U2SURP: variants seen among roughly 807,000 people sequenced by gnomAD.
U2SURP encodes U2 snRNP-associated SURP motif-containing protein.
In U2SURP, 9 loss-of-function variants were observed where a neutral mutation model predicts 144.9. The observed-to-expected ratio is 0.06, with a 90% confidence interval of 0.04 to 0.11. U2SURP has a LOEUF of 0.11. Among genes scored for constraint, U2SURP ranks in the 10% least tolerant of loss-of-function variants. U2SURP has a pLI of 1.00. For synonymous variants in U2SURP, 408 were observed against 396.8 expected (o/e 1.03, Z -0.33); for missense variants, 724 against 1,226.7 (o/e 0.59, Z 6.12).
intron 20 of U2SURP, 65 bp from the exon 21 acceptor site, chr3:143,037,113 TA>T: frequency 6.7e-7 from 1 of 1,495,034 alleles, no homozygotes. Context: ...GATTACAAAT[TA>T]ATCTTACAAG....
At chr3:143,007,153 G>T (rs549711341) in intron 1 of U2SURP, among the ~76,000 whole-genome samples, 1 of 152,158 alleles carries the variant, frequency 6.6e-6, no homozygotes, top group South Asian at 2.1e-4. Context: ...GGATTTTCTT[G>T]CTGTCCCTCC....
At chr3:143,045,835 C>T (rs1276668909) in intron 24 of U2SURP, among the ~76,000 whole-genome samples, 1 of 152,188 alleles carries the variant, frequency 6.6e-6, no homozygotes. Flanking sequence ...TTAAAATTAT[C>T]TAATCTTCTC....
intron 20 of U2SURP, 78 bp downstream of exon 20, chr3:143,036,182 C>G: frequency 7.1e-7 from 1 of 1,418,410 alleles, no homozygotes; most frequent in Non-Finnish European, 9.3e-7. Flanking sequence ...TTCTGTGTTA[C>G]ATATGTGAGG....
At chr3:143,019,454 T>A (rs1936531539) in intron 6 of U2SURP, among the ~76,000 whole-genome samples, 1 of 152,222 alleles carries the variant, frequency 6.6e-6, no homozygotes, top group Non-Finnish European at 1.5e-5. Flanking sequence ...TTTGTACATT[T>A]AGTATATGGT....
intron 21 of U2SURP, among the ~76,000 whole-genome samples, 157 bp downstream of exon 21, chr3:143,037,492 C>T (rs1030021247): frequency 3.9e-5 from 6 of 151,984 alleles, no homozygotes; most frequent in Non-Finnish European, 1.5e-5. Flanking sequence ...AATTCATATA[C>T]CCAGTAATAC....
intron 13 of U2SURP, chr3:143,026,209 A>G (rs975021188): frequency 6.6e-6 from 1 of 152,154 alleles, no homozygotes; most frequent in Admixed American, 6.6e-5. Flanking sequence ...ATATCACATG[A>G]TTTTAGGACC....
At chr3:143,029,004 G>A (rs1034751183) in intron 16 of U2SURP, among the ~76,000 whole-genome samples, 2 of 152,122 alleles carry the variant, frequency 1.3e-5, no homozygotes, top group Admixed American at 6.6e-5. Flanking sequence ...GTGGCTAGTG[G>A]GATCAGATTG....
chr3:143,049,353 G>T (rs201212683), intron 24 of U2SURP, among the ~76,000 whole-genome samples: 1 of 79,654 alleles, frequency 1.3e-5, no homozygotes, highest in Non-Finnish European at 2.4e-5. Flanking sequence ...ATAAAGGGGG[G>T]TAACAAGCAA....
At chr3:143,051,939 A>C (rs1273126160) in intron 25 of U2SURP, among the ~76,000 whole-genome samples, 2 of 152,200 alleles carry the variant, frequency 1.3e-5, no homozygotes, top group African/African-American at 4.8e-5. Flanking sequence ...GTTCCTATAA[A>C]ATAGGCATCT....
chr3:143,010,378 T>C (rs1040981319), intron 1 of U2SURP, among the ~76,000 whole-genome samples: 2 of 152,172 alleles, frequency 1.3e-5, no homozygotes, highest in Non-Finnish European at 2.9e-5. Context: ...ACAGCAAGGA[T>C]TTATATGTGG....
At chr3:143,031,694 G>T (rs943470726) in intron 16 of U2SURP, among the ~76,000 whole-genome samples, 2 of 152,126 alleles carry the variant, frequency 1.3e-5, no homozygotes, top group Non-Finnish European at 2.9e-5. Context: ...TATGTGATTG[G>T]CTATATTGTG....
chr3:143,051,248 C>G (rs902458418), intron 25 of U2SURP, among the ~76,000 whole-genome samples, 199 bp downstream of exon 25: 1 of 152,154 alleles, frequency 6.6e-6, no homozygotes, highest in Non-Finnish European at 1.5e-5. Flanking sequence ...CAGCAGCACA[C>G]TATTTTATTC....
At chr3:143,021,681 G>C (rs1037510488) in intron 10 of U2SURP, 126 bp downstream of exon 10, 1 of 902,830 alleles carries the variant, frequency 1.1e-6, no homozygotes, top group African/African-American at 1.7e-5. Flanking sequence ...CTTTAGAGTT[G>C]TCTTACTGGT....
intron 24 of U2SURP, among the ~76,000 whole-genome samples, chr3:143,049,265 C>CAAAAAAAAAAAAAA (rs200930787): frequency 1.2e-5 from 1 of 81,500 alleles, no homozygotes; most frequent in East Asian, 3.3e-4. Flanking sequence ...GACTCCATCT[C>CAAAAAAAAAAAAAA]AAAAAAAAAA....
intron 1 of U2SURP, among the ~76,000 whole-genome samples, chr3:143,004,575 C>CCT (rs1553834309): frequency 1.4e-5 from 1 of 71,348 alleles, no homozygotes; most frequent in African/African-American, 9.9e-5. Flanking sequence ...ACCTTGTGAC[C>CCT]CCCCCCCCCC....
At chr3:143,013,995 C>G (rs1936238857) in intron 3 of U2SURP, among the ~76,000 whole-genome samples, 1 of 152,000 alleles carries the variant, frequency 6.6e-6, no homozygotes, top group African/African-American at 2.4e-5. Flanking sequence ...AACATCTGTA[C>G]TTTCCCCCTC....
intron 25 of U2SURP, among the ~76,000 whole-genome samples, chr3:143,052,894 C>T (rs1225073127): frequency 2.7e-5 from 4 of 150,394 alleles, no homozygotes; most frequent in Admixed American, 2.6e-4. Flanking sequence ...ATACCAAAAT[C>T]AGAATTTCAA....
At position 143,025,292 on chromosome 3, in the gene U2SURP, T is replaced by C. The variant is rs553257709; in HGVS notation, c.1274+1274T>C. Among the ~76,000 whole-genome samples the C allele has an allele frequency of 3.3e-5, 5 of 152,354 alleles. No individual in the cohort carries two copies. The East Asian group carries it at 5.8e-4, about 18-fold the overall frequency. On this transcript the variant is annotated intron_variant, in intron 13 of 27. Transcript: ENST00000473835. ...GCACATATCTAGTGGTAGCTTTACA[T>C]GTATGTGGCTCAGCTTATTTCTAAA...
At chr3:143,013,622 A>G (rs1182124012) in intron 3 of U2SURP, among the ~76,000 whole-genome samples, 1 of 152,092 alleles carries the variant, frequency 6.6e-6, no homozygotes, top group Non-Finnish European at 1.5e-5. Flanking sequence ...TGACTGAACA[A>G]AAAGGTCTAC....
Sources: gnomAD v4.1 joint callset for allele counts (sites outside exome capture counted in the v4.1 genomes callset) on GRCh38, gnomAD v4.1.1 for gene constraint, MANE v1.5 for transcripts, NCBI Gene and HGNC (gene_info 2026-07-23, HGNC 2026-07-21) for gene names.